UNC13B: variants seen among roughly 807,000 people sequenced by gnomAD.
UNC13B encodes protein unc-13 homolog B.
A neutral mutation model predicts 211.0 loss-of-function variants in UNC13B; 144 were observed. That is an observed-to-expected ratio of 0.68 (90% CI 0.60 to 0.78). UNC13B has a LOEUF of 0.78. UNC13B is among the 30% of genes least tolerant of loss of function. The pLI, the probability that UNC13B is intolerant of heterozygous loss-of-function variation, is 0.00. For missense variants in UNC13B, 1,777 were observed against 2,002.0 expected (o/e 0.89, Z 2.14); for synonymous variants, 709 against 725.8 (o/e 0.98, Z 0.37).
intron 7 of UNC13B, among the ~76,000 whole-genome samples, chr9:35,284,619 T>C (rs1391009676): frequency 1.3e-5 from 2 of 152,240 alleles, no homozygotes; most frequent in Non-Finnish European, 2.9e-5. Flanking sequence ...TTTGTTATTC[T>C]CCTATGTTAG....
chr9:35,235,774 C>A (rs969427983), intron 3 of UNC13B, among the ~76,000 whole-genome samples: 2 of 152,264 alleles, frequency 1.3e-5, no homozygotes, highest in East Asian at 3.9e-4. Flanking sequence ...CTAAAAGTTT[C>A]CTGTATACGA....
chr9:35,316,793 T>C (rs1054413274), intron 11 of UNC13B, among the ~76,000 whole-genome samples: 3 of 152,210 alleles, frequency 2.0e-5, no homozygotes, highest in Non-Finnish European at 2.9e-5. Flanking sequence ...AGATTTGATA[T>C]ATCATTATCT....
chr9:35,318,788 T>G (rs1830590919), intron 11 of UNC13B, among the ~76,000 whole-genome samples: 1 of 152,250 alleles, frequency 6.6e-6, no homozygotes, highest in African/African-American at 2.4e-5. Context: ...CAAGGGGATA[T>G]GCATTTATAA....
intron 1 of UNC13B, among the ~76,000 whole-genome samples, chr9:35,211,486 A>C (rs1823962202): frequency 6.6e-6 from 1 of 152,204 alleles, no homozygotes; most frequent in African/African-American, 2.4e-5. Context: ...GTGTATTTTA[A>C]CTTATCTACT....
At chr9:35,314,299 C>G (rs2131877513) in intron 11 of UNC13B, among the ~76,000 whole-genome samples, 2 of 152,242 alleles carry the variant, frequency 1.3e-5, no homozygotes, top group Middle Eastern at 6.8e-3. Context: ...GAAATGATTT[C>G]AAGCCCCTGA....
At chr9:35,312,762 C>T (rs1587597540) in intron 10 of UNC13B, among the ~76,000 whole-genome samples, 1 of 152,168 alleles carries the variant, frequency 6.6e-6, no homozygotes, top group African/African-American at 2.4e-5. Context: ...AAGAATTAAC[C>T]ACTATTCTAG....
At chr9:35,357,808 G>A (rs1321235206) in intron 11 of UNC13B, among the ~76,000 whole-genome samples, 1 of 152,092 alleles carries the variant, frequency 6.6e-6, no homozygotes, top group Non-Finnish European at 1.5e-5. Context: ...TGAATATTAT[G>A]TGGAACATTT....
At chr9:35,195,089 T>C (rs1822863910) in intron 1 of UNC13B, among the ~76,000 whole-genome samples, 1 of 150,226 alleles carries the variant, frequency 6.7e-6, no homozygotes, top group Admixed American at 6.7e-5. Flanking sequence ...ATCTTTTTAA[T>C]GCAAATGGAA....
intron 11 of UNC13B, among the ~76,000 whole-genome samples, chr9:35,349,944 A>G (rs1484905348): frequency 6.6e-6 from 1 of 152,216 alleles, no homozygotes; most frequent in Non-Finnish European, 1.5e-5. Context: ...TACTGGGAAA[A>G]TAAAAGGAGG....
chr9:35,375,908 A>G, intron 14 of UNC13B, 120 bp from the exon 15 acceptor site: 1 of 918,386 alleles, frequency 1.1e-6, no homozygotes, highest in Non-Finnish European at 1.7e-6. Context: ...TGAACCTGGG[A>G]GGTGGAGGTT....
Position 35,162,217 on chromosome 9 carries a change from G to T in UNC13B, c.-67G>T, listed in dbSNP as rs552894430. On this transcript the variant is annotated 5_prime_UTR_variant, in exon 1 of 40. Coordinates refer to ENST00000635942, the MANE Select transcript of UNC13B (RefSeq NM_001371189.2). The stretch of plus-strand genomic sequence containing the variant: ...GGTAACGAGAGCAGTCGCGGCACCT[G>T]CTGAGAGGAAAGAGGGAGCGGTCCG... 6.5e-7 allele frequency: 1 copy of T among 1,541,322 alleles called. No homozygotes were observed. Among genetic ancestry groups the T allele is most frequent in the Non-Finnish European group, 8.7e-7 (1 of 1,146,418 alleles).
At chr9:35,226,776 G>A (rs1236509763) in intron 1 of UNC13B, among the ~76,000 whole-genome samples, 2 of 152,162 alleles carry the variant, frequency 1.3e-5, no homozygotes, top group African/African-American at 4.8e-5. Context: ...ACCCACCCAG[G>A]TTGAGGGTGG....
intron 1 of UNC13B, among the ~76,000 whole-genome samples, chr9:35,202,947 C>T (rs112035596): frequency 0.15 from 22,074 of 151,976 alleles, 1,853 homozygotes; most frequent in Admixed American, 0.25. Context: ...CGCCTGCCAA[C>T]GTGCCCGGCT....
chr9:35,193,016 C>T (rs953290239), intron 1 of UNC13B, among the ~76,000 whole-genome samples: 3 of 152,152 alleles, frequency 2.0e-5, no homozygotes, highest in African/African-American at 7.2e-5. Context: ...GTGTGACCCC[C>T]AGCCATGGAA....
intron 11 of UNC13B, among the ~76,000 whole-genome samples, chr9:35,355,718 A>T (rs569596526): frequency 6.6e-6 from 1 of 152,368 alleles, no homozygotes; most frequent in South Asian, 2.1e-4. Context: ...CTCTTCCAGG[A>T]AGCTTTCTGA....
At position 35,404,102 on chromosome 9, in the gene UNC13B, T is replaced by C; in HGVS notation, c.*69T>C. The C allele has an allele frequency of 1.9e-6, 3 of 1,557,758 alleles. No homozygotes were observed. The highest frequency in any genetic ancestry group is 2.6e-6 in the Non-Finnish European group (3 of 1,153,870). On this transcript the variant is annotated 3_prime_UTR_variant, in exon 40 of 40. Coordinates refer to ENST00000635942, the MANE Select transcript of UNC13B (RefSeq NM_001371189.2). The stretch of plus-strand genomic sequence containing the variant: ...AATCAGGGCCAGTGGGAGTTAGCTG[T>C]GTAACCGGCTTAGGGTCTTTGCAGT...
chr9:35,396,266 G>T (rs942775071), intron 26 of UNC13B, among the ~76,000 whole-genome samples: 5 of 152,240 alleles, frequency 3.3e-5, no homozygotes, highest in African/African-American at 1.2e-4. Flanking sequence ...GTCTGGCTTA[G>T]TCTTTCTAGA....
chr9:35,267,832 C>T (rs1054412465), intron 7 of UNC13B, among the ~76,000 whole-genome samples: 5 of 152,142 alleles, frequency 3.3e-5, no homozygotes, highest in Non-Finnish European at 5.9e-5. Flanking sequence ...AAAAGATGTA[C>T]TTAGCTTGTT....
At chr9:35,197,383 T>A (rs1375301933) in intron 1 of UNC13B, among the ~76,000 whole-genome samples, 3 of 151,812 alleles carry the variant, frequency 2.0e-5, no homozygotes, top group Admixed American at 2.0e-4. Flanking sequence ...AGTTTTTGTA[T>A]TTTTAGGAGA....
Sources: allele counts gnomAD v4.1 joint callset (sites outside exome capture counted in the v4.1 genomes callset), GRCh38; gene constraint gnomAD v4.1.1; transcripts MANE v1.5; gene names NCBI Gene and HGNC (gene_info 2026-07-23, HGNC 2026-07-21).